AAK1: variants seen among roughly 807,000 people sequenced by gnomAD.
AAK1 encodes the protein AP2 associated kinase 1.
Under a neutral mutation model 116.0 loss-of-function variants are expected in AAK1, and 37 were observed. The ratio of observed to expected loss-of-function variants is 0.32; its 90% confidence interval spans 0.25 to 0.42. The LOEUF (loss-of-function observed/expected upper bound fraction) is 0.42. Among genes scored for constraint, AAK1 ranks in the 10% least tolerant of loss-of-function variants. The pLI is 1.00. For synonymous variants in AAK1, 458 were observed against 439.9 expected (o/e 1.04, Z -0.51); for missense variants, 919 against 1,170.6 (o/e 0.79, Z 3.14).
chr2:69,467,098 C>T lies in AAK1; in HGVS notation c.*8771G>A, dbSNP rs1416125961. ...TACATCACAAGCACTACTCAAAGAG[C>T]ATACGAGTGCCCAAAATATAAATAC... is the stretch of plus-strand genomic sequence containing the variant. On this transcript the variant is annotated 3_prime_UTR_variant, in exon 22 of 22. Transcript: ENST00000409085. The T allele has an allele frequency of 9.1e-6, 9 of 985,296 alleles. No individual in the cohort carries two copies. Among genetic ancestry groups the T allele is most frequent in the African/African-American group, 1.7e-5 (1 of 57,236 alleles). 61.0% of individuals were successfully genotyped at this position (985,296 alleles called of 1,614,324 possible).
At chr2:69,532,701 C>A (rs1670306712) in intron 5 of AAK1, among the ~76,000 whole-genome samples, 3 of 152,104 alleles carry the variant, frequency 2.0e-5, no homozygotes, top group Admixed American at 2.0e-4. Flanking sequence ...TTATAAGTAC[C>A]TATATAAATG....
chr2:69,503,643 C>T lies in AAK1; in HGVS notation c.2269+1926G>A, dbSNP rs190502303. On this transcript the variant is annotated intron_variant, in intron 16 of 21. Transcript: ENST00000409085. ...CAAGGGATCCTCCCACCTGAGCCACCTGAGTAGCTGGGGCTACAGGTGTGC... is the reference window on the plus strand; with the variant it reads ...CAAGGGATCCTCCCACCTGAGCCACTTGAGTAGCTGGGGCTACAGGTGTGC... 6.6e-5 allele frequency among the ~76,000 whole-genome samples: 10 copies of T among 152,270 alleles called. No homozygotes were observed. In the East Asian group the frequency reaches 1.9e-3, roughly 29 times the overall value.
At chr2:69,492,002 T>C (rs999259014) in intron 17 of AAK1, among the ~76,000 whole-genome samples, 1 of 151,968 alleles carries the variant, frequency 6.6e-6, no homozygotes, top group Non-Finnish European at 1.5e-5. Context: ...GTGTGGGCAA[T>C]AAGAAGAATG....
At chr2:69,589,726 A>G (rs80026859) in intron 2 of AAK1, among the ~76,000 whole-genome samples, 7,978 of 146,680 alleles carry the variant, frequency 0.054, 531 homozygotes, top group South Asian at 0.13. Flanking sequence ...AAAAAAAAAA[A>G]AAAGAAAGAA....
At position 69,463,593 on chromosome 2, in the gene AAK1, C is replaced by G. The variant is rs984831854; in HGVS notation, c.*12276G>C. On this transcript the variant is annotated 3_prime_UTR_variant, in exon 22 of 22. Coordinates refer to ENST00000409085, the MANE Select transcript of AAK1 (RefSeq NM_014911.5). ...GTGGCGCAATCTCTGCTCACTGCAACCTCTGCCTCCCGGGTTCAAGCGATT... is the reference window on the plus strand; with the variant it reads ...GTGGCGCAATCTCTGCTCACTGCAAGCTCTGCCTCCCGGGTTCAAGCGATT... 1 of 152,338 alleles carries G rather than the reference C, an allele frequency of 6.6e-6. No individual in the cohort carries two copies. Among genetic ancestry groups the G allele is most frequent in the Non-Finnish European group, 1.5e-5 (1 of 68,168 alleles). 9.4% of individuals were successfully genotyped at this position (152,338 alleles called of 1,614,324 possible).
intron 2 of AAK1, among the ~76,000 whole-genome samples, chr2:69,587,937 A>AT (rs1461757080): frequency 3.3e-5 from 5 of 151,292 alleles, no homozygotes; most frequent in African/African-American, 9.7e-5. Context: ...TTTTTTTTAA[A>AT]TTTTTTGTAG....
intron 2 of AAK1, among the ~76,000 whole-genome samples, chr2:69,563,522 A>G (rs1671733568): frequency 6.6e-6 from 1 of 152,146 alleles, no homozygotes; most frequent in Non-Finnish European, 1.5e-5. Context: ...TTGCAGGTAA[A>G]AGGAAACTGC....
intron 16 of AAK1, among the ~76,000 whole-genome samples, chr2:69,500,625 T>A (rs902516790): frequency 2.9e-5 from 4 of 139,872 alleles, no homozygotes; most frequent in Admixed American, 7.7e-5. Flanking sequence ...ATAACTTTAC[T>A]CAAATATGTG....
At chr2:69,521,901 G>C (rs1431163455) in intron 10 of AAK1, among the ~76,000 whole-genome samples, 1 of 152,244 alleles carries the variant, frequency 6.6e-6, no homozygotes, top group Admixed American at 6.5e-5. Flanking sequence ...AGATCCCTGA[G>C]GGCCTCATGG....
chr2:69,527,283 T>C lies in AAK1; in HGVS notation c.908A>G (p.Asp303Gly). The C allele has an allele frequency of 6.2e-7, 1 of 1,609,352 alleles. No individual in the cohort carries two copies. Among genetic ancestry groups the C allele is most frequent in the Non-Finnish European group, 8.5e-7 (1 of 1,177,544 alleles). The stretch of plus-strand genomic sequence containing the variant: ...TGAGAAGTAGGACACCTGGTAAATA[T>C]CCGGCCTTTTGTCAGGGTCTGGTTC... ...MLEPDPDKRP[D>G]IYQVSYFSFK... is the part of the protein sequence containing the mutation. The change falls in exon 9 of 22, where the codon GAT becomes GGT. Residue 303 changes from aspartate to glycine, a missense_variant. By Grantham distance (94) the Asp-to-Gly change is moderately conservative. Transcript: ENST00000409085.
At chr2:69,594,858 T>C (rs1253163789) in intron 2 of AAK1, 7 of 1,557,834 alleles carry the variant, frequency 4.5e-6, no homozygotes, top group South Asian at 1.1e-5. Context: ...ACTCAAGCCT[T>C]AGCACAATCT....
At chr2:69,524,495 C>T (rs771658978) in intron 10 of AAK1, among the ~76,000 whole-genome samples, 5 of 151,886 alleles carry the variant, frequency 3.3e-5, no homozygotes, top group Admixed American at 6.6e-5. Flanking sequence ...AGTGCGGTGG[C>T]GTGATCTCAG....
intron 5 of AAK1, among the ~76,000 whole-genome samples, chr2:69,538,521 G>C (rs1670570928): frequency 1.3e-5 from 2 of 152,214 alleles, no homozygotes; most frequent in South Asian, 4.1e-4. Flanking sequence ...AAGCTGGACA[G>C]GTGTTATTTA....
At chr2:69,625,042 G>A (rs551696407) in intron 2 of AAK1, among the ~76,000 whole-genome samples, 1 of 152,284 alleles carries the variant, frequency 6.6e-6, no homozygotes, top group African/African-American at 2.4e-5. Flanking sequence ...AGTGTCAAAT[G>A]GTAAGCCGTT....
chr2:69,482,500 T>G, intron 18 of AAK1: 1 of 659,578 alleles, frequency 1.5e-6, no homozygotes, highest in Non-Finnish European at 2.8e-6. Flanking sequence ...ACTCTAGAAA[T>G]CTCCAGATAT....
intron 16 of AAK1, among the ~76,000 whole-genome samples, chr2:69,502,513 T>TG (rs1235380712): frequency 6.6e-6 from 1 of 151,982 alleles, no homozygotes; most frequent in African/African-American, 2.4e-5. Flanking sequence ...CTCAGCTACT[T>TG]GGGAGGCTGA....
At chr2:69,610,811 G>A (rs959810051) in intron 2 of AAK1, among the ~76,000 whole-genome samples, 6 of 152,094 alleles carry the variant, frequency 3.9e-5, no homozygotes, top group African/African-American at 1.2e-4. Flanking sequence ...AAACAACAAC[G>A]TGATTATCAT....
At chr2:69,643,549 C>T (rs527580490) in intron 1 of AAK1, 26 bp downstream of exon 1, 1 of 1,228,084 alleles carries the variant, frequency 8.1e-7, no homozygotes, top group African/African-American at 1.6e-5. Context: ...CGCCGCCCCT[C>T]GAGGCGGCAT....
intron 2 of AAK1, chr2:69,598,202 G>A (rs1324191832): frequency 3.8e-5 from 28 of 737,710 alleles, no homozygotes; most frequent in East Asian, 6.2e-5. Flanking sequence ...TGTTTCCATC[G>A]ATATTTGAAA....
Sources: allele counts gnomAD v4.1 joint callset (sites outside exome capture counted in the v4.1 genomes callset), GRCh38; gene constraint gnomAD v4.1.1; transcripts MANE v1.5; gene names NCBI Gene and HGNC (gene_info 2026-07-23, HGNC 2026-07-21).